Variants in NT5C3A observed in about 807,000 individuals in gnomAD.
The protein encoded by NT5C3A is cytosolic 5'-nucleotidase 3A.
NT5C3A carries 23 observed loss-of-function variants against 40.0 expected under a neutral mutation model. The observed-to-expected ratio is 0.58, with a 90% CI of 0.41 to 0.81. The LOEUF (loss-of-function observed/expected upper bound fraction) is 0.81, where lower values mean the gene tolerates loss of function less well. Among genes scored for constraint, NT5C3A ranks in the 40% least tolerant of loss-of-function variants. The pLI, the probability that NT5C3A is intolerant of heterozygous loss-of-function variation, is 0.00. For missense variants in NT5C3A, 328 were observed against 403.0 expected, an observed-to-expected ratio of 0.81 and a Z score of 1.59; for synonymous variants, 130 against 141.4, an observed-to-expected ratio of 0.92 and a Z score of 0.57.
chr7:33,034,768 C>T (rs10267080), intron 1 of NT5C3A, among the ~76,000 whole-genome samples: 2,320 of 152,048 alleles, frequency 0.015, 62 homozygotes, highest in African/African-American at 0.052. Context: ...GTGTCACGCT[C>T]TAGTTTATAG....
intron 1 of NT5C3A, among the ~76,000 whole-genome samples, chr7:33,061,646 T>TA (rs559017712): frequency 5.6e-4 from 85 of 152,360 alleles, no homozygotes; most frequent in Middle Eastern, 6.8e-3. Flanking sequence ...TTCCAAGTAT[T>TA]ACACCCTAAA....
chr7:33,035,265 C>T (rs918414274), intron 1 of NT5C3A, among the ~76,000 whole-genome samples: 20 of 136,116 alleles, frequency 1.5e-4, no homozygotes, highest in Middle Eastern at 4.9e-3. Context: ...GCAATCTTGG[C>T]TCACTGCAAC....
At chr7:33,058,517 G>T (rs1206539934) in intron 1 of NT5C3A, among the ~76,000 whole-genome samples, 1 of 151,936 alleles carries the variant, frequency 6.6e-6, no homozygotes, top group African/African-American at 2.4e-5. Context: ...CAACTACTTT[G>T]TTTTTTTATT....
chr7:33,026,353 G>GAAAAAAAAAAAAAAAAAA (rs1226260693), intron 2 of NT5C3A, among the ~76,000 whole-genome samples: 1 of 94,154 alleles, frequency 1.1e-5, no homozygotes, highest in African/African-American at 4.1e-5. Context: ...CATCTCAAAA[G>GAAAAAAAAAAAAAAAAAA]AAAAAAAAAA....
rs192498045 is a variant in NT5C3A, at chr7:33,019,852, G to A, written c.441-128C>T. ...TATTTGGATTTAAATTTTAGAGATT[G>A]AAGTTCATCACTAATGAATGTATAC... is the stretch of plus-strand genomic sequence containing the variant. On this transcript the variant is annotated intron_variant, in intron 5 of 8. Coordinates refer to ENST00000610140, the MANE Select transcript of NT5C3A (RefSeq NM_001002010.5). 19 of 674,688 alleles carry A rather than the reference G, an allele frequency of 2.8e-5. No homozygotes were observed. In the South Asian group the frequency reaches 2.9e-4, roughly 10 times the overall value. The allele number at this position is 674,688 out of a possible 1,614,324, so 41.8% of individuals were successfully genotyped here. A position where few individuals can be genotyped will look rare whatever the true frequency, so the allele number is the denominator to read the frequency against.
intron 1 of NT5C3A, among the ~76,000 whole-genome samples, chr7:33,031,882 A>T (rs1786279139): frequency 6.6e-6 from 1 of 151,926 alleles, no homozygotes; most frequent in Non-Finnish European, 1.5e-5. Context: ...CCCAGCACTT[A>T]GGGAGGCCAA....
intron 1 of NT5C3A, among the ~76,000 whole-genome samples, chr7:33,059,299 G>A (rs1034869484): frequency 1.3e-5 from 2 of 152,126 alleles, no homozygotes; most frequent in African/African-American, 4.8e-5. Flanking sequence ...ACTTTTCTAA[G>A]CACTTTAAAT....
intron 1 of NT5C3A, chr7:33,036,265 G>C (rs142996449): frequency 2.3e-6 from 1 of 425,758 alleles, no homozygotes; most frequent in African/African-American, 2.0e-5. Flanking sequence ...AAACACCGGC[G>C]GCACATATTG....
At position 33,023,898 on chromosome 7, in the gene NT5C3A, A is replaced by AT. The variant is rs565053550; in HGVS notation, c.307+140dup. The AT allele has an allele frequency of 1.3e-3, 825 of 638,270 alleles. 2 individuals are homozygous for AT. Among genetic ancestry groups the AT allele is most frequent in the Admixed American group, 2.6e-3 (93 of 36,420 alleles). 39.5% of individuals were successfully genotyped at this position (638,270 alleles called of 1,614,324 possible). On this transcript the variant is annotated intron_variant, in intron 3 of 8. Transcript: ENST00000610140. ...ATATGGGAAAAAAAACCTCAAAAAT[A>AT]TAATAAGAAAAAGCAGGTCTCCTCA...
intron 1 of NT5C3A, chr7:33,029,362 T>A (rs1349874915): frequency 3.2e-6 from 1 of 310,204 alleles, no homozygotes; most frequent in African/African-American, 2.2e-5. Flanking sequence ...GTATTTACTC[T>A]GCTTTTCTGC....
intron 1 of NT5C3A, among the ~76,000 whole-genome samples, chr7:33,053,949 G>A (rs1388664163): frequency 6.6e-6 from 1 of 152,076 alleles, no homozygotes; most frequent in Non-Finnish European, 1.5e-5. Context: ...TAATCTACAG[G>A]AAACCTGACA....
chr7:33,061,288 G>C (rs1787766556), intron 1 of NT5C3A, among the ~76,000 whole-genome samples: 1 of 152,272 alleles, frequency 6.6e-6, no homozygotes, highest in Admixed American at 6.5e-5. Context: ...TACAGATGTG[G>C]GACAAATGAA....
At chr7:33,045,880 G>A (rs1371643289) in intron 1 of NT5C3A, 1 of 152,210 alleles carries the variant, frequency 6.6e-6, no homozygotes, top group Non-Finnish European at 1.5e-5. Context: ...CAGCTTAGGA[G>A]TATGGACCTG....
At chr7:33,033,481 C>T (rs567776027) in intron 1 of NT5C3A, among the ~76,000 whole-genome samples, 1 of 152,258 alleles carries the variant, frequency 6.6e-6, no homozygotes, top group South Asian at 2.1e-4. Flanking sequence ...GTGTGTGAAG[C>T]CGCTCTGTAA....
At chr7:33,018,577 G>A (rs577939831) in intron 6 of NT5C3A, among the ~76,000 whole-genome samples, 6 of 152,330 alleles carry the variant, frequency 3.9e-5, no homozygotes, top group South Asian at 2.1e-4. Flanking sequence ...TGGGCCGGGC[G>A]CAGTGGCTCA....
At chr7:33,046,383 T>TA (rs1331378405) in intron 1 of NT5C3A, among the ~76,000 whole-genome samples, 3 of 151,944 alleles carry the variant, frequency 2.0e-5, no homozygotes, top group Non-Finnish European at 2.9e-5. Context: ...CAAAAAATGT[T>TA]AAAAAATTAG....
intron 1 of NT5C3A, chr7:33,029,244 A>ATTTT: frequency 6.5e-6 from 1 of 153,714 alleles, no homozygotes; most frequent in Non-Finnish European, 1.4e-5. Context: ...ACTGGTTCCT[A>ATTTT]TTTTTTTTTT....
intron 1 of NT5C3A, among the ~76,000 whole-genome samples, chr7:33,027,623 T>C (rs1227607281): frequency 6.6e-6 from 1 of 151,324 alleles, no homozygotes; most frequent in Non-Finnish European, 1.5e-5. Context: ...TAGTTTCATT[T>C]CTGTGATTTT....
At chr7:33,025,291 A>C (rs1432156027) in intron 2 of NT5C3A, among the ~76,000 whole-genome samples, 1 of 152,232 alleles carries the variant, frequency 6.6e-6, no homozygotes, top group Non-Finnish European at 1.5e-5. Flanking sequence ...AATGCAGTGG[A>C]AGCAATTCAA....
Sources: gnomAD v4.1 joint callset for allele counts (sites outside exome capture counted in the v4.1 genomes callset) on GRCh38, gnomAD v4.1.1 for gene constraint, MANE v1.5 for transcripts, NCBI Gene and HGNC (gene_info 2026-07-23, HGNC 2026-07-21) for gene names.